The following PRTFDC1 variants were observed in gnomAD, a reference collection of about 807,000 sequenced individuals.
PRTFDC1 encodes phosphoribosyl transferase domain containing 1, also known as phosphoribosyltransferase domain-containing protein 1.
A neutral mutation model predicts 34.6 loss-of-function variants in PRTFDC1; 38 were observed. The observed-to-expected ratio is 1.10, with a 90% CI of 0.85 to 1.44. The LOEUF (loss-of-function observed/expected upper bound fraction) is 1.44. Ranked by LOEUF, PRTFDC1 falls within the 40% of genes most tolerant of loss-of-function variation. The pLI, the probability that PRTFDC1 is intolerant of heterozygous loss-of-function variation, is 0.00. For synonymous variants in PRTFDC1, 93 were observed against 98.1 expected (o/e 0.95, Z 0.31); for missense variants, 270 against 283.0 (o/e 0.95, Z 0.33).
chr10:24,873,885 A>T (rs543480035), intron 3 of PRTFDC1, among the ~76,000 whole-genome samples: 1 of 152,002 alleles, frequency 6.6e-6, no homozygotes, highest in African/African-American at 2.4e-5. Context: ...ACGAAAAAAA[A>T]AAAAGACCTT....
intron 3 of PRTFDC1, among the ~76,000 whole-genome samples, chr10:24,914,997 C>A (rs1005223366): frequency 6.6e-6 from 1 of 152,148 alleles, no homozygotes; most frequent in Non-Finnish European, 1.5e-5. Context: ...ACTATGCTAA[C>A]TACCTGGGTG....
rs1307517668 is a variant in PRTFDC1 at position 24,869,354 on chromosome 10, CA to C, written c.405+2643del. ...TGCTAACAAACTCACTCCATAAGAC[CA>C]AAAACCCTTCCCCAGGGCTGTAATG... On this transcript the variant is annotated intron_variant, in intron 4 of 8. Coordinates refer to ENST00000320152, the MANE Select transcript of PRTFDC1 (RefSeq NM_020200.7). Among the ~76,000 whole-genome samples the C allele has an allele frequency of 7.2e-5, 11 of 152,188 alleles. No individual in the cohort carries two copies. In the East Asian group the frequency reaches 1.9e-3, roughly 27 times the overall value.
At chr10:24,893,066 T>C (rs117829231) in intron 3 of PRTFDC1, among the ~76,000 whole-genome samples, 4,033 of 152,216 alleles carry the variant, frequency 0.026, 108 homozygotes, top group East Asian at 0.078. Flanking sequence ...CACACCTGAC[T>C]GAAAGAAAAA....
intron 4 of PRTFDC1, among the ~76,000 whole-genome samples, chr10:24,858,663 G>A (rs1204677386): frequency 6.6e-6 from 1 of 152,164 alleles, no homozygotes; most frequent in African/African-American, 2.4e-5. Context: ...TGTCTGACGA[G>A]CTCTCCATAA....
chr10:24,919,092 A>G (rs531534468), intron 3 of PRTFDC1, among the ~76,000 whole-genome samples: 5 of 152,260 alleles, frequency 3.3e-5, no homozygotes, highest in Non-Finnish European at 7.3e-5. Context: ...CACTTAAAAT[A>G]GTACTTTCAA....
chr10:24,882,851 TAAATGC>T (rs996518949), intron 3 of PRTFDC1, among the ~76,000 whole-genome samples: 4 of 151,422 alleles, frequency 2.6e-5, no homozygotes, highest in African/African-American at 9.7e-5. Context: ...AAAAAAAATC[TAAATGC>T]AAAAGGCCAT....
At chr10:24,868,654 C>T (rs1847826336) in intron 4 of PRTFDC1, among the ~76,000 whole-genome samples, 1 of 151,958 alleles carries the variant, frequency 6.6e-6, no homozygotes, top group African/African-American at 2.4e-5. Context: ...GACACAGTCT[C>T]ACTATGTTGC....
intron 3 of PRTFDC1, among the ~76,000 whole-genome samples, chr10:24,897,502 T>C (rs1848386637): frequency 6.6e-6 from 1 of 152,192 alleles, no homozygotes; most frequent in Admixed American, 6.6e-5. Flanking sequence ...GCAAAACCCT[T>C]TGATGGCAGG....
intron 3 of PRTFDC1, among the ~76,000 whole-genome samples, chr10:24,903,826 C>T (rs542965079): frequency 6.6e-6 from 1 of 151,442 alleles, no homozygotes. Context: ...GCGAACACAA[C>T]CACACACCCA....
chr10:24,933,653 A>C (rs1588621534), intron 3 of PRTFDC1, among the ~76,000 whole-genome samples: 1 of 152,164 alleles, frequency 6.6e-6, no homozygotes, highest in East Asian at 1.9e-4. Context: ...TGCTGGTGGG[A>C]ATTCAAAATG....
intron 3 of PRTFDC1, among the ~76,000 whole-genome samples, chr10:24,922,533 T>A (rs981040528): frequency 2.0e-5 from 3 of 152,200 alleles, no homozygotes; most frequent in Admixed American, 6.5e-5. Context: ...GATGGTTTTA[T>A]AAAGGAGAGT....
intron 7 of PRTFDC1, among the ~76,000 whole-genome samples, chr10:24,853,522 CA>C (rs1443107542): frequency 6.6e-6 from 1 of 152,024 alleles, no homozygotes; most frequent in Admixed American, 6.6e-5. Context: ...GCAGGAGAAT[CA>C]CTTGAACCTG....
intron 2 of PRTFDC1, among the ~76,000 whole-genome samples, chr10:24,939,161 C>T (rs1035880502): frequency 2.6e-5 from 4 of 151,744 alleles, no homozygotes; most frequent in African/African-American, 9.7e-5. Flanking sequence ...ATTAGCCGGG[C>T]TTGGTGGTCT....
At chr10:24,881,955 C>A (rs1485390623) in intron 3 of PRTFDC1, among the ~76,000 whole-genome samples, 1 of 151,848 alleles carries the variant, frequency 6.6e-6, no homozygotes, top group African/African-American at 2.4e-5. Context: ...ATCTGTAATC[C>A]CAGAACTTTG....
chr10:24,940,384 T>C (rs1849136297), intron 2 of PRTFDC1, among the ~76,000 whole-genome samples: 1 of 152,152 alleles, frequency 6.6e-6, no homozygotes, highest in South Asian at 2.1e-4. Flanking sequence ...AATAAGAAGA[T>C]GAACAATTGA....
In PRTFDC1 at chr10:24,878,721, G is replaced by A. The variant is rs1848013111; in HGVS notation, c.340-6658C>T. Among the ~76,000 whole-genome samples, 4 of 151,958 alleles carry A rather than the reference G, an allele frequency of 2.6e-5. No homozygotes were observed. In the South Asian group the frequency reaches 8.3e-4, roughly 32 times the overall value. The stretch of plus-strand genomic sequence containing the variant: ...TTTGGACTGCTTTGAGAACATTCAG[G>A]AAAAAAACAAACCGAGGAAGAATAC... On this transcript the variant is annotated intron_variant, in intron 3 of 8. Coordinates refer to ENST00000320152, the MANE Select transcript of PRTFDC1 (RefSeq NM_020200.7).
intron 2 of PRTFDC1, among the ~76,000 whole-genome samples, chr10:24,938,119 G>A (rs1389773685): frequency 6.6e-6 from 1 of 151,732 alleles, no homozygotes; most frequent in Non-Finnish European, 1.5e-5. Context: ...CCAGCTACTC[G>A]GGAAGCTGAG....
At chr10:24,951,117 G>A (rs1404709144) in intron 1 of PRTFDC1, among the ~76,000 whole-genome samples, 6 of 151,960 alleles carry the variant, frequency 3.9e-5, no homozygotes. Context: ...TTTGGTATGC[G>A]GGTCTCTGCC....
intron 1 of PRTFDC1, among the ~76,000 whole-genome samples, chr10:24,947,905 C>A (rs1849276445): frequency 1.3e-5 from 2 of 152,110 alleles, no homozygotes; most frequent in South Asian, 4.1e-4. Flanking sequence ...CCCCACCTCA[C>A]AACCATACAT....
Sources: gnomAD v4.1 joint callset for allele counts (sites outside exome capture counted in the v4.1 genomes callset) on GRCh38, gnomAD v4.1.1 for gene constraint, MANE v1.5 for transcripts, NCBI Gene and HGNC (gene_info 2026-07-23, HGNC 2026-07-21) for gene names.